The following GABRG2 variants were observed in gnomAD, a reference collection of about 807,000 sequenced individuals.
GABRG2 encodes gamma-aminobutyric acid type A receptor subunit gamma2.
In GABRG2, 16 loss-of-function variants were observed where a neutral mutation model predicts 56.4. The observed-to-expected ratio is 0.28, with a 90% CI of 0.19 to 0.43. The LOEUF is 0.43. Among genes scored for constraint, GABRG2 ranks in the 20% least tolerant of loss-of-function variants. GABRG2 has a pLI of 1.00. For missense variants in GABRG2, 327 were observed against 582.7 expected (o/e 0.56, Z 4.52); for synonymous variants, 208 against 205.5 (o/e 1.01, Z -0.10).
chr5:162,107,656 G>T (rs368816566), intron 6 of GABRG2, among the ~76,000 whole-genome samples: 57 of 152,072 alleles, frequency 3.7e-4, no homozygotes, highest in Non-Finnish European at 7.1e-4. Flanking sequence ...TTAATTCATT[G>T]TCAATATGCT....
chr5:162,101,630 A>G, intron 5 of GABRG2: 1 of 354,110 alleles, frequency 2.8e-6, no homozygotes, highest in South Asian at 2.7e-5. Context: ...CTCAATAGAA[A>G]AGGTGCAATC....
intron 1 of GABRG2, among the ~76,000 whole-genome samples, chr5:162,074,914 C>CTT (rs3216599): frequency 0.13 from 19,202 of 151,958 alleles, 1,528 homozygotes; most frequent in East Asian, 0.22. Flanking sequence ...GCCTCTTAGT[C>CTT]TTTTTATGGT....
In GABRG2 at chr5:162,147,234, CTTCT is replaced by C. The variant is rs200922569; in HGVS notation, c.923-1865_923-1862del. ...CTTCCTTCTTTCTTTCTCTTTCTTT[CTTCT>C]TTCTTTCTCTTTATTTCTTTCTTTC... On this transcript the variant is annotated intron_variant, in intron 7 of 9. Transcript: ENST00000639213. Among the ~76,000 whole-genome samples, 938 of 150,414 alleles carry C rather than the reference CTTCT, an allele frequency of 6.2e-3. 8 individuals carry two copies. Among genetic ancestry groups the C allele is most frequent in the Non-Finnish European group, 0.01 (677 of 67,584 alleles).
intron 6 of GABRG2, among the ~76,000 whole-genome samples, chr5:162,139,799 C>A (rs1221143628): frequency 6.6e-6 from 1 of 152,068 alleles, no homozygotes; most frequent in Non-Finnish European, 1.5e-5. Context: ...GTGCAGAAAG[C>A]TCAAGGACTG....
At position 162,097,717 on chromosome 5, in the gene GABRG2, G is replaced by T. The variant is rs778814579; in HGVS notation, c.407G>T (p.Arg136Leu). 1.2e-6 allele frequency: 2 copies of T among 1,613,782 alleles called. No individual in the cohort carries two copies. Among genetic ancestry groups the T allele is most frequent in the East Asian group, 2.2e-5 (1 of 44,842 alleles). The change falls in exon 4 of 10, where the codon CGA (arginine) becomes CTA (leucine). Residue 136 changes from arginine to leucine, a missense_variant. Arg to Leu is a moderately radical substitution (Grantham distance 102, BLOSUM62 -2). Coordinates refer to ENST00000639213, the MANE Select transcript of GABRG2 (RefSeq NM_198904.4). ...TTTAACAGCACCATTAAAGTCCTCC[G>T]ATTGAACAGCAACATGGTGGGGAAA... ...LKFNSTIKVL[R>L]LNSNMVGKIW...
rs1370684552 is a variant in GABRG2, at chr5:162,153,088, C to T, written c.1153-5C>T. 1 of 1,614,012 alleles carries T rather than the reference C, an allele frequency of 6.2e-7. No homozygotes were observed. The highest frequency in any genetic ancestry group is 8.5e-7 in the Non-Finnish European group (1 of 1,179,940). Reference sequence around the variant, plus strand: ...GATCCCTCTCCTTCCCTACCCTCGTCCCAGGCCCCTACCATTGATATCCGC... The same window carrying T: ...GATCCCTCTCCTTCCCTACCCTCGTTCCAGGCCCCTACCATTGATATCCGC... On this transcript the variant is annotated splice_region_variant and splice_polypyrimidine_tract_variant and intron_variant, in intron 9 of 9. Transcript: ENST00000639213.
At chr5:162,099,496 TC>T (rs1554097959) in intron 4 of GABRG2, 2 of 152,098 alleles carry the variant, frequency 1.3e-5, no homozygotes, top group South Asian at 4.1e-4. Flanking sequence ...GGTCTTGAAC[TC>T]CTAGGTTCAA....
intron 6 of GABRG2, among the ~76,000 whole-genome samples, chr5:162,113,178 G>T (rs1161327105): frequency 6.6e-6 from 1 of 152,082 alleles, no homozygotes; most frequent in Non-Finnish European, 1.5e-5. Flanking sequence ...GACCTCAGGT[G>T]ATACATCTGC....
At chr5:162,139,806 A>G (rs977255470) in intron 6 of GABRG2, among the ~76,000 whole-genome samples, 1 of 152,182 alleles carries the variant, frequency 6.6e-6, no homozygotes, top group Non-Finnish European at 1.5e-5. Flanking sequence ...AAGCTCAAGG[A>G]CTGGGAAAAT....
intron 6 of GABRG2, among the ~76,000 whole-genome samples, chr5:162,135,575 A>G (rs1764063272): frequency 6.6e-6 from 1 of 152,220 alleles, no homozygotes; most frequent in Non-Finnish European, 1.5e-5. Flanking sequence ...TCTAGAGTAT[A>G]ATCCAGTATT....
At chr5:162,087,316 A>T (rs1760200392) in intron 1 of GABRG2, among the ~76,000 whole-genome samples, 1 of 152,002 alleles carries the variant, frequency 6.6e-6, no homozygotes, top group South Asian at 2.1e-4. Flanking sequence ...AGCTGTTTTC[A>T]TATTTTATGC....
At chr5:162,135,633 G>A (rs1205132778) in intron 6 of GABRG2, among the ~76,000 whole-genome samples, 2 of 152,166 alleles carry the variant, frequency 1.3e-5, no homozygotes, top group African/African-American at 4.8e-5. Flanking sequence ...TTACTATGAT[G>A]TCTTACTGAG....
chr5:162,118,572 T>A (rs1253535645), intron 6 of GABRG2, among the ~76,000 whole-genome samples: 2 of 152,112 alleles, frequency 1.3e-5, no homozygotes, highest in African/African-American at 4.8e-5. Context: ...TATAAACATG[T>A]GAATATATTT....
At chr5:162,077,618 A>G (rs1042397217) in intron 1 of GABRG2, among the ~76,000 whole-genome samples, 1 of 152,190 alleles carries the variant, frequency 6.6e-6, no homozygotes, top group Non-Finnish European at 1.5e-5. Flanking sequence ...CTGTCTTTGC[A>G]TTAGTTATCT....
chr5:162,105,899 A>C (rs1314107495), intron 6 of GABRG2, among the ~76,000 whole-genome samples: 3 of 152,024 alleles, frequency 2.0e-5, no homozygotes, highest in African/African-American at 7.3e-5. Context: ...ATTGGGCATT[A>C]AGTTCTGTTG....
chr5:162,076,114 T>C (rs1283814539), intron 1 of GABRG2, among the ~76,000 whole-genome samples: 4 of 152,160 alleles, frequency 2.6e-5, no homozygotes, highest in Non-Finnish European at 5.9e-5. Flanking sequence ...TTTGCACCAC[T>C]GTACTCAAGC....
rs1198870987 is a variant in GABRG2, at chr5:162,093,738, T to C, written c.108-90T>C. On this transcript the variant is annotated intron_variant, in intron 1 of 9. Transcript: ENST00000639213. ...CAGTTTAAACATTTCTTTTATCCTG[T>C]TTTATTTCTTCTTTTCCACTGGTGG... 7 of 1,237,536 alleles carry C rather than the reference T, an allele frequency of 5.7e-6. No individual in the cohort carries two copies. The African/African-American group carries it at 1.0e-4, about 18-fold the overall frequency. 76.7% of individuals were successfully genotyped at this position (1,237,536 alleles called of 1,614,324 possible). A position where few individuals can be genotyped will look rare whatever the true frequency, so the allele number is the denominator to read the frequency against.
At chr5:162,115,955 T>A (rs1041418901) in intron 6 of GABRG2, among the ~76,000 whole-genome samples, 1 of 152,068 alleles carries the variant, frequency 6.6e-6, no homozygotes, top group African/African-American at 2.4e-5. Context: ...ATTTTCCAGA[T>A]GAAATTTCCA....
At chr5:162,069,153 A>G (rs1758470058) in intron 1 of GABRG2, among the ~76,000 whole-genome samples, 2 of 152,182 alleles carry the variant, frequency 1.3e-5, no homozygotes, top group Admixed American at 6.5e-5. Context: ...TAGAGGAGCA[A>G]CCATCCATGC....
Sources: gnomAD v4.1 joint callset for allele counts (sites outside exome capture counted in the v4.1 genomes callset) on GRCh38, gnomAD v4.1.1 for gene constraint, MANE v1.5 for transcripts, NCBI Gene and HGNC (gene_info 2026-07-23, HGNC 2026-07-21) for gene names.